CTNNA3: variants seen among roughly 807,000 people sequenced by gnomAD.
CTNNA3 encodes catenin alpha-3.
A neutral mutation model predicts 95.7 loss-of-function variants in CTNNA3; 76 were observed. That is an observed-to-expected ratio of 0.79 (90% CI 0.66 to 0.96). CTNNA3 has a LOEUF of 0.96. CTNNA3 is among the 40% of genes least tolerant of loss of function. CTNNA3 has a pLI of 0.00. For synonymous variants in CTNNA3, 431 were observed against 374.4 expected (o/e 1.15, Z -1.74); for missense variants, 1,191 against 1,089.8 (o/e 1.09, Z -1.31).
chr10:67,217,660 A>G (rs1475676465), intron 6 of CTNNA3, among the ~76,000 whole-genome samples: 1 of 152,194 alleles, frequency 6.6e-6, no homozygotes, highest in East Asian at 1.9e-4. Flanking sequence ...CTAAAAAGAG[A>G]AAAGAGAAGA....
chr10:66,870,436 C>T (rs564257021), intron 7 of CTNNA3, among the ~76,000 whole-genome samples: 1 of 152,116 alleles, frequency 6.6e-6, no homozygotes, highest in Non-Finnish European at 1.5e-5. Flanking sequence ...AATTCAATTT[C>T]CTTTGTCCTA....
chr10:67,195,602 C>T (rs1488788032), intron 6 of CTNNA3, among the ~76,000 whole-genome samples: 2 of 151,954 alleles, frequency 1.3e-5, no homozygotes, highest in African/African-American at 4.8e-5. Context: ...ATGAATAAAG[C>T]CATAGACCCA....
chr10:66,600,203 AT>A (rs2132255400), intron 10 of CTNNA3, among the ~76,000 whole-genome samples: 1 of 152,014 alleles, frequency 6.6e-6, no homozygotes, highest in African/African-American at 2.4e-5. Context: ...ATTCAGAAAA[AT>A]GGTTTTTCAT....
intron 11 of CTNNA3, among the ~76,000 whole-genome samples, chr10:66,472,924 C>A (rs1217959052): frequency 2.0e-5 from 3 of 151,716 alleles, no homozygotes; most frequent in Non-Finnish European, 4.4e-5. Context: ...ATTCATATAG[C>A]CTAAGAGATA....
chr10:66,920,432 C>T (rs1220509100), intron 7 of CTNNA3, among the ~76,000 whole-genome samples: 3 of 152,168 alleles, frequency 2.0e-5, no homozygotes, highest in African/African-American at 4.8e-5. Context: ...TATGCAATCT[C>T]GCATTTAGAT....
chr10:66,346,270 GAGAGAGAGAGAGAGAGAA>G (rs2092518188), intron 12 of CTNNA3, among the ~76,000 whole-genome samples: 1 of 141,928 alleles, frequency 7.0e-6, no homozygotes, highest in African/African-American at 2.7e-5. Flanking sequence ...GAGAGAGAGA[GAGAGAGAGAGAGAGAGAA>G]AGAGAGACAG....
chr10:67,433,690 A>C (rs1472221747), intron 5 of CTNNA3, among the ~76,000 whole-genome samples: 1 of 152,086 alleles, frequency 6.6e-6, no homozygotes, highest in Non-Finnish European at 1.5e-5. Flanking sequence ...TATTGGATGA[A>C]TATATCATGA....
chr10:67,701,658 C>A (rs904953638), intron 1 of CTNNA3, among the ~76,000 whole-genome samples: 1 of 152,238 alleles, frequency 6.6e-6, no homozygotes. Context: ...CCGGTACCAG[C>A]TGCTGCAAAT....
At chr10:66,362,885 C>T (rs753667072) in intron 12 of CTNNA3, among the ~76,000 whole-genome samples, 1 of 152,126 alleles carries the variant, frequency 6.6e-6, no homozygotes, top group East Asian at 1.9e-4. Flanking sequence ...TGTCATCTGT[C>T]ATTAAGATAA....
intron 5 of CTNNA3, among the ~76,000 whole-genome samples, chr10:67,239,401 TATGGTTTAATTCC>T (rs1472706149): frequency 6.7e-6 from 1 of 150,150 alleles, no homozygotes; most frequent in African/African-American, 2.4e-5. Context: ...AAAGAGTATG[TATGGTTTAATTCC>T]ATCTATGTGA....
At chr10:66,208,934 CA>C in intron 13 of CTNNA3, among the ~76,000 whole-genome samples, 1 of 152,064 alleles carries the variant, frequency 6.6e-6, no homozygotes, top group Non-Finnish European at 1.5e-5. Context: ...TGCATCCCAC[CA>C]AAACCATCCT....
intron 17 of CTNNA3, among the ~76,000 whole-genome samples, chr10:65,923,238 C>T (rs1181521715): frequency 6.6e-6 from 1 of 152,156 alleles, no homozygotes; most frequent in Non-Finnish European, 1.5e-5. Flanking sequence ...ACAGCATAAA[C>T]TATTTCTAAA....
intron 7 of CTNNA3, among the ~76,000 whole-genome samples, chr10:66,827,590 T>C (rs1226619138): frequency 6.6e-6 from 1 of 152,188 alleles, no homozygotes; most frequent in Non-Finnish European, 1.5e-5. Flanking sequence ...TGACTAGTTA[T>C]ATTATCTGGA....
chr10:67,486,531 T>C (rs1327338552), intron 5 of CTNNA3, among the ~76,000 whole-genome samples: 1 of 152,140 alleles, frequency 6.6e-6, no homozygotes, highest in African/African-American at 2.4e-5. Flanking sequence ...CTACCATACT[T>C]TGGTAGGTCC....
intron 7 of CTNNA3, among the ~76,000 whole-genome samples, chr10:67,124,274 G>A (rs1377279746): frequency 6.6e-6 from 1 of 151,808 alleles, no homozygotes; most frequent in Non-Finnish European, 1.5e-5. Flanking sequence ...ATTAATGGGA[G>A]CCAGTCTTCT....
chr10:67,155,324 T>C (rs755079598), intron 7 of CTNNA3, among the ~76,000 whole-genome samples: 1 of 152,184 alleles, frequency 6.6e-6, no homozygotes, highest in Non-Finnish European at 1.5e-5. Context: ...TACAAAGTGG[T>C]TGTTAATTCT....
At chr10:67,413,807 A>C (rs1417790966) in intron 5 of CTNNA3, among the ~76,000 whole-genome samples, 1 of 152,158 alleles carries the variant, frequency 6.6e-6, no homozygotes, top group Non-Finnish European at 1.5e-5. Context: ...ATAAATGGAA[A>C]GTAAGCAACT....
At chr10:67,104,469 A>G (rs1181844703) in intron 7 of CTNNA3, among the ~76,000 whole-genome samples, 1 of 151,944 alleles carries the variant, frequency 6.6e-6, no homozygotes, top group Non-Finnish European at 1.5e-5. Flanking sequence ...TCCTTGTTTC[A>G]TTACTTCGTG....
Position 66,526,245 on chromosome 10 carries a change from G to T in CTNNA3, c.1375-5472C>A, listed in dbSNP as rs1399626775. On this transcript the variant is annotated intron_variant, in intron 10 of 17. Transcript: ENST00000433211. The stretch of plus-strand genomic sequence containing the variant: ...CTGTCACCTATGCTGGAGTGTAGCG[G>T]CTCAATCTCAGCTCACAGCAACTTC... Among the ~76,000 whole-genome samples the T allele has an allele frequency of 1.3e-5, 2 of 152,080 alleles. 1 individual carries two copies. The highest frequency in any genetic ancestry group is 3.9e-4 in the East Asian group (2 of 5,186).
Sources: allele counts gnomAD v4.1 joint callset (sites outside exome capture counted in the v4.1 genomes callset), GRCh38; gene constraint gnomAD v4.1.1; transcripts MANE v1.5; gene names NCBI Gene and HGNC (gene_info 2026-07-23, HGNC 2026-07-21).